Variants in ABHD3 observed in about 807,000 individuals in gnomAD.
The protein encoded by ABHD3 is phospholipase ABHD3.
A neutral mutation model predicts 48.8 loss-of-function variants in ABHD3; 46 were observed. The observed-to-expected ratio is 0.94, with a 90% CI of 0.74 to 1.20. The LOEUF is 1.20. Among genes scored for constraint, ABHD3 ranks in the 50% most tolerant of loss-of-function variants. The pLI is 0.00. For missense variants in ABHD3, 490 were observed against 497.8 expected, an observed-to-expected ratio of 0.98 and a Z score of 0.15; for synonymous variants, 192 against 183.7, an observed-to-expected ratio of 1.04 and a Z score of -0.36.
At position 21,703,695 on chromosome 18, in the gene ABHD3, T is replaced by A; in HGVS notation, c.215A>T (p.His72Leu). Residue 72 changes from histidine to leucine, a missense_variant, in exon 2 of 9, where the codon CAC becomes CTC. Transcript: ENST00000289119. Reference protein sequence around the residue: ...GESFSRFLQDHCPVVTETYYP... With the variant: ...GESFSRFLQDLCPVVTETYYP... ...GTACGTTTCTGTAACCACGGGACAG[T>A]GGTCTTGAAGGAAGCGGCTGAAACT... 1 of 1,613,948 alleles carries A rather than the reference T, an allele frequency of 6.2e-7. No individual in the cohort carries two copies. The highest frequency in any genetic ancestry group is 8.5e-7 in the Non-Finnish European group (1 of 1,179,996).
At chr18:21,704,067 A>G (rs897341330) in intron 1 of ABHD3, among the ~76,000 whole-genome samples, 1 of 152,258 alleles carries the variant, frequency 6.6e-6, no homozygotes, top group Non-Finnish European at 1.5e-5. Flanking sequence ...AATTTTTTGT[A>G]ATTGTAACGG....
chr18:21,682,747 CT>C (rs1461970044), intron 4 of ABHD3, among the ~76,000 whole-genome samples: 1 of 152,184 alleles, frequency 6.6e-6, no homozygotes, highest in Non-Finnish European at 1.5e-5. Context: ...TCCCCCCCGG[CT>C]TTGTGTCCTG....
intron 3 of ABHD3, among the ~76,000 whole-genome samples, chr18:21,690,661 C>T (rs2040230464): frequency 6.7e-6 from 1 of 150,048 alleles, no homozygotes; most frequent in African/African-American, 2.5e-5. Context: ...GAATAAGAAC[C>T]TCAATTAAAA....
chr18:21,670,398 T>G (rs1430988045), intron 4 of ABHD3, among the ~76,000 whole-genome samples: 3 of 151,908 alleles, frequency 2.0e-5, no homozygotes, highest in Non-Finnish European at 4.4e-5. Flanking sequence ...TAATCCTACA[T>G]CATTAATCTA....
At position 21,685,161 on chromosome 18, in the gene ABHD3, T is replaced by C. The variant is rs150705002; in HGVS notation, c.510-1196A>G. Among the ~76,000 whole-genome samples, 8 of 152,352 alleles carry C rather than the reference T, an allele frequency of 5.3e-5. No individual in the cohort carries two copies. In the East Asian group the frequency reaches 9.6e-4, roughly 18 times the overall value. On this transcript the variant is annotated intron_variant, in intron 3 of 8. Transcript: ENST00000289119. The stretch of plus-strand genomic sequence containing the variant: ...CACTGATTTAGTGAGTCTATATTCA[T>C]AACAATTAAAATTCATTTAGTTTTT...
intron 4 of ABHD3, among the ~76,000 whole-genome samples, chr18:21,671,566 A>C (rs2039758332): frequency 6.6e-6 from 1 of 152,150 alleles, no homozygotes; most frequent in African/African-American, 2.4e-5. Context: ...AATCACATCT[A>C]ATCAGAAGAG....
At position 21,683,877 on chromosome 18, in the gene ABHD3, A is replaced by T. The variant is rs573956665; in HGVS notation, c.555+43T>A. On this transcript the variant is annotated intron_variant, in intron 4 of 8. Coordinates refer to ENST00000289119, the MANE Select transcript of ABHD3 (RefSeq NM_138340.5). ...GCTTTTTGTTATAAAACTAGAAATG[A>T]TTCTTTAAAAAGTTAAGACTGTTGT... 59 of 1,514,504 alleles carry T rather than the reference A, an allele frequency of 3.9e-5. No individual in the cohort carries two copies. In the South Asian group the frequency reaches 7.6e-4, roughly 20 times the overall value. The allele number at this position is 1,514,504 out of a possible 1,614,324, so 93.8% of individuals were successfully genotyped here.
Position 21,683,936 on chromosome 18 carries a change from G to A in ABHD3, c.539C>T (p.Ala180Val), listed in dbSNP as rs772556503. The stretch of plus-strand genomic sequence containing the variant: ...TTTACTTACCAAGAGATTCTCCCCC[G>A]CCACTCCTCTGTTGTTAAAAACCAC... Reference protein sequence around the residue: ...RCVVFNNRGVAGENLLTPRTY... With the variant: ...RCVVFNNRGVVGENLLTPRTY... The change falls in exon 4 of 9, where the codon GCG (alanine) becomes GTG (valine). Residue 180 changes from alanine to valine, a missense_variant. Coordinates refer to ENST00000289119, the MANE Select transcript of ABHD3 (RefSeq NM_138340.5). The A allele has an allele frequency of 6.3e-6, 10 of 1,593,828 alleles. No homozygotes were observed. Among genetic ancestry groups the A allele is most frequent in the Admixed American group, 1.7e-5 (1 of 57,940 alleles).
In ABHD3 at chr18:21,702,479, C is replaced by T; in HGVS notation, c.346G>A (p.Asp116Asn). The change falls in exon 3 of 9, where the codon GAT (aspartate) becomes AAT (asparagine). Residue 116 changes from aspartate to asparagine, a missense_variant. Coordinates refer to ENST00000289119, the MANE Select transcript of ABHD3 (RefSeq NM_138340.5). The part of the protein sequence containing the change: ...QYRNELIKTA[D>N]GGQISLDWFD... Reference sequence around the variant, plus strand: ...CAGTCCAGTGAAATCTGTCCTCCATCTGCAGTTTTAATAAGTTCACTGAAA... The same window carrying T: ...CAGTCCAGTGAAATCTGTCCTCCATTTGCAGTTTTAATAAGTTCACTGAAA... 4 of 1,602,880 alleles carry T rather than the reference C, an allele frequency of 2.5e-6. No individual in the cohort carries two copies. The highest frequency in any genetic ancestry group is 3.4e-6 in the Non-Finnish European group (4 of 1,173,676).
In ABHD3 at chr18:21,651,589, T is replaced by C. The variant is rs775171667; in HGVS notation, c.*2A>G. ...GACAAAATGCACCCAAAGAACTACA[T>C]GTTAAGAGAGTTCATGTCCATGCTC... On this transcript the variant is annotated 3_prime_UTR_variant, in exon 9 of 9. Coordinates refer to ENST00000289119, the MANE Select transcript of ABHD3 (RefSeq NM_138340.5). 5.0e-6 allele frequency: 8 copies of C among 1,613,978 alleles called. No homozygotes were observed. The highest frequency in any genetic ancestry group is 4.5e-5 in the East Asian group (2 of 44,866).
intron 4 of ABHD3, among the ~76,000 whole-genome samples, chr18:21,672,627 G>T (rs1392085144): frequency 6.6e-6 from 1 of 152,128 alleles, no homozygotes; most frequent in Non-Finnish European, 1.5e-5. Context: ...TTTTAAAATA[G>T]GACTAATTAT....
chr18:21,665,051 T>C (rs2039590308), intron 4 of ABHD3, among the ~76,000 whole-genome samples: 1 of 151,978 alleles, frequency 6.6e-6, no homozygotes, highest in Non-Finnish European at 1.5e-5. Flanking sequence ...TTCAAATGAT[T>C]TTCCTGCCTC....
At chr18:21,659,105 C>A in intron 6 of ABHD3, 65 bp downstream of exon 6, 1 of 1,498,548 alleles carries the variant, frequency 6.7e-7, no homozygotes, top group Non-Finnish European at 9.0e-7. Flanking sequence ...TCCCAAAGTG[C>A]TGGGATTACA....
chr18:21,667,744 A>G (rs1476147356), intron 4 of ABHD3, among the ~76,000 whole-genome samples: 1 of 152,184 alleles, frequency 6.6e-6, no homozygotes, highest in Non-Finnish European at 1.5e-5. Context: ...TATCTATTTT[A>G]TAAATGAGGA....
chr18:21,696,219 C>T (rs1360789463), intron 3 of ABHD3, among the ~76,000 whole-genome samples: 5 of 151,356 alleles, frequency 3.3e-5, no homozygotes, highest in Non-Finnish European at 7.4e-5. Context: ...TCTCGGCTCA[C>T]TGCAAGCTCT....
In ABHD3 at chr18:21,664,898, G is replaced by A. The variant is rs183917568; in HGVS notation, c.556-668C>T. Among the ~76,000 whole-genome samples the A allele has an allele frequency of 1.8e-4, 27 of 152,292 alleles. No individual in the cohort carries two copies. The East Asian group carries it at 4.1e-3, about 23-fold the overall frequency. On this transcript the variant is annotated intron_variant, in intron 4 of 8. Transcript: ENST00000289119. ...GATTCACCTGCTTTGGCCCCCCAAC[G>A]TGTTGGGATTATAGGTGTGAGCCTG...
At chr18:21,667,044 T>C (rs2039647029) in intron 4 of ABHD3, among the ~76,000 whole-genome samples, 1 of 152,114 alleles carries the variant, frequency 6.6e-6, no homozygotes, top group African/African-American at 2.4e-5. Flanking sequence ...TCACCCACTG[T>C]TCAATCACTA....
intron 2 of ABHD3, 95 bp from the exon 3 acceptor site, chr18:21,702,593 AAAT>A (rs2040537761): frequency 1.7e-6 from 2 of 1,151,428 alleles, no homozygotes; most frequent in African/African-American, 3.2e-5. Flanking sequence ...GCTCATCAAA[AAAT>A]AACATTTTTC....
intron 4 of ABHD3, chr18:21,682,625 G>T (rs549433761): frequency 1.6e-4 from 24 of 152,324 alleles, no homozygotes; most frequent in African/African-American, 5.5e-4. Context: ...CGATTTAACA[G>T]GCACATACCA....
Sources: allele counts gnomAD v4.1 joint callset (sites outside exome capture counted in the v4.1 genomes callset), GRCh38; gene constraint gnomAD v4.1.1; transcripts MANE v1.5; gene names NCBI Gene and HGNC (gene_info 2026-07-23, HGNC 2026-07-21).